CNTNAP2: variants seen among roughly 807,000 people sequenced by gnomAD.
CNTNAP2 encodes contactin-associated protein-like 2.
Under a neutral mutation model 155.2 loss-of-function variants are expected in CNTNAP2, and 98 were observed. That is an observed-to-expected ratio of 0.63 (90% CI 0.54 to 0.75). The LOEUF (loss-of-function observed/expected upper bound fraction) is 0.75. Ranked by LOEUF, CNTNAP2 falls within the 30% of genes least tolerant of loss-of-function variation. CNTNAP2 has a pLI of 0.00. For synonymous variants in CNTNAP2, 651 were observed against 631.2 expected, an observed-to-expected ratio of 1.03 and a Z score of -0.47; for missense variants, 1,727 against 1,688.1, an observed-to-expected ratio of 1.02 and a Z score of -0.40.
intron 18 of CNTNAP2, among the ~76,000 whole-genome samples, chr7:148,180,732 G>T (rs1241263905): frequency 1.3e-5 from 2 of 152,154 alleles, no homozygotes; most frequent in Non-Finnish European, 2.9e-5. Flanking sequence ...TAGATAAGGT[G>T]GAAAACTTAG....
intron 21 of CNTNAP2, among the ~76,000 whole-genome samples, chr7:148,332,253 T>C (rs1400369523): frequency 1.3e-5 from 2 of 152,138 alleles, no homozygotes; most frequent in African/African-American, 4.8e-5. Context: ...GAAACTATTG[T>C]AGAGCATTGA....
intron 10 of CNTNAP2, among the ~76,000 whole-genome samples, chr7:147,407,194 T>C (rs572638725): frequency 7.9e-5 from 12 of 151,696 alleles, no homozygotes; most frequent in Admixed American, 7.2e-4. Flanking sequence ...TAAGGCCGGG[T>C]GCAGTGGCTC....
intron 13 of CNTNAP2, among the ~76,000 whole-genome samples, chr7:147,771,868 C>T (rs1002659190): frequency 6.6e-6 from 1 of 151,840 alleles, no homozygotes; most frequent in African/African-American, 2.4e-5. Flanking sequence ...AAAATTATAT[C>T]ACAATATTCT....
intron 9 of CNTNAP2, among the ~76,000 whole-genome samples, chr7:147,346,896 A>C (rs188449514): frequency 2.1e-3 from 318 of 152,190 alleles, no homozygotes; most frequent in African/African-American, 7.4e-3. Context: ...TTTCTCAAAC[A>C]TGTTACTCTT....
chr7:147,486,198 AAT>A (rs753437769), intron 11 of CNTNAP2, among the ~76,000 whole-genome samples, 157 bp downstream of exon 11: 2 of 148,860 alleles, frequency 1.3e-5, no homozygotes, highest in African/African-American at 5.0e-5. Flanking sequence ...AAAAAAAAAA[AAT>A]AAAATACACT....
At chr7:147,551,147 T>C (rs188150736) in intron 11 of CNTNAP2, among the ~76,000 whole-genome samples, 2 of 152,300 alleles carry the variant, frequency 1.3e-5, no homozygotes, top group Admixed American at 6.5e-5. Flanking sequence ...ACAAACAGTA[T>C]AGGTTTCTCC....
intron 3 of CNTNAP2, among the ~76,000 whole-genome samples, chr7:146,864,069 AC>A (rs1287298105): frequency 6.6e-6 from 1 of 152,074 alleles, no homozygotes; most frequent in Non-Finnish European, 1.5e-5. Context: ...TAAAATATGT[AC>A]CTTTCTATAT....
chr7:146,949,191 G>A (rs900311324), intron 3 of CNTNAP2, among the ~76,000 whole-genome samples: 1 of 152,078 alleles, frequency 6.6e-6, no homozygotes, highest in African/African-American at 2.4e-5. Context: ...GCCAATCAAA[G>A]CATATATAAA....
chr7:147,232,672 A>T (rs1803707619), intron 8 of CNTNAP2, among the ~76,000 whole-genome samples: 1 of 152,226 alleles, frequency 6.6e-6, no homozygotes, highest in Admixed American at 6.5e-5. Flanking sequence ...ATCCAATGTA[A>T]AAAATTAACT....
chr7:146,999,375 GTTA>G lies in CNTNAP2; in HGVS notation c.403-44523_403-44521del, dbSNP rs950982780. 9.9e-5 allele frequency among the ~76,000 whole-genome samples: 15 copies of G among 151,686 alleles called. No individual in the cohort carries two copies. In the East Asian group the frequency reaches 1.2e-3, roughly 12 times the overall value. On this transcript the variant is annotated intron_variant, in intron 3 of 23. Transcript: ENST00000361727. Reference sequence around the variant, plus strand: ...GCATATCGATTAACAAATAATTTTAGTTATTATTATTTTAATAATTTTGTGTCT... The same window carrying G: ...GCATATCGATTAACAAATAATTTTAGTTATTATTTTAATAATTTTGTGTCT...
chr7:146,510,676 T>A (rs1440336229), intron 1 of CNTNAP2, among the ~76,000 whole-genome samples: 1 of 152,146 alleles, frequency 6.6e-6, no homozygotes, highest in Non-Finnish European at 1.5e-5. Context: ...CAGTATAATT[T>A]TATTTGTAGA....
intron 8 of CNTNAP2, among the ~76,000 whole-genome samples, chr7:147,259,024 T>A (rs1804396882): frequency 6.6e-6 from 1 of 152,116 alleles, no homozygotes; most frequent in Non-Finnish European, 1.5e-5. Flanking sequence ...CATATGGAAG[T>A]CTACAGGTAC....
intron 12 of CNTNAP2, among the ~76,000 whole-genome samples, chr7:147,564,991 T>G (rs1445051869): frequency 6.6e-6 from 1 of 152,146 alleles, no homozygotes; most frequent in African/African-American, 2.4e-5. Flanking sequence ...TTTAACATCA[T>G]AAAGAGAGCA....
intron 1 of CNTNAP2, among the ~76,000 whole-genome samples, chr7:146,686,455 C>T (rs911547428): frequency 6.6e-6 from 1 of 152,082 alleles, no homozygotes; most frequent in Non-Finnish European, 1.5e-5. Context: ...CAGTTACCAA[C>T]AAATATTTAT....
intron 10 of CNTNAP2, among the ~76,000 whole-genome samples, chr7:147,462,124 C>A (rs1798036158): frequency 1.3e-5 from 2 of 152,124 alleles, no homozygotes; most frequent in Non-Finnish European, 1.5e-5. Flanking sequence ...CCCTCATCCA[C>A]CCTGCAAACT....
At chr7:147,590,269 G>C (rs1468743516) in intron 12 of CNTNAP2, among the ~76,000 whole-genome samples, 1 of 151,932 alleles carries the variant, frequency 6.6e-6, no homozygotes, top group Non-Finnish European at 1.5e-5. Context: ...GTTCCAAATT[G>C]ATATGGTTTG....
intron 8 of CNTNAP2, among the ~76,000 whole-genome samples, chr7:147,183,859 A>G (rs1222499345): frequency 2.6e-5 from 4 of 152,166 alleles, no homozygotes; most frequent in African/African-American, 4.8e-5. Flanking sequence ...TGGCTGAAAC[A>G]TGGTACTTGC....
intron 14 of CNTNAP2, among the ~76,000 whole-genome samples, chr7:147,916,014 G>C (rs1800154612): frequency 6.6e-6 from 1 of 152,132 alleles, no homozygotes; most frequent in Non-Finnish European, 1.5e-5. Context: ...TAATATGTGG[G>C]TCAGGGTTAA....
At chr7:147,237,784 C>T (rs879124938) in intron 8 of CNTNAP2, among the ~76,000 whole-genome samples, 8 of 152,164 alleles carry the variant, frequency 5.3e-5, no homozygotes, top group Admixed American at 5.2e-4. Context: ...TCAACTATTA[C>T]TAAAGCAGAA....
Sources: allele counts gnomAD v4.1 joint callset (sites outside exome capture counted in the v4.1 genomes callset), GRCh38; gene constraint gnomAD v4.1.1; transcripts MANE v1.5; gene names NCBI Gene and HGNC (gene_info 2026-07-23, HGNC 2026-07-21).